The following SPATA22 variants were observed in gnomAD, a reference collection of about 807,000 sequenced individuals.
SPATA22 encodes the protein spermatogenesis-associated protein 22.
In SPATA22, 29 loss-of-function variants were observed where a neutral mutation model predicts 47.8. The observed-to-expected ratio is 0.61, with a 90% CI of 0.45 to 0.83. The LOEUF is 0.83. Among genes scored for constraint, SPATA22 ranks in the 40% least tolerant of loss-of-function variants. The probability of loss-of-function intolerance (pLI) is 0.00; values close to 1 mark genes in which losing one functional copy is unlikely to be tolerated. For missense variants in SPATA22, 410 were observed against 421.7 expected, an observed-to-expected ratio of 0.97 and a Z score of 0.24; for synonymous variants, 133 against 140.9, an observed-to-expected ratio of 0.94 and a Z score of 0.40.
chr17:3,455,472 A>AT lies in SPATA22; in HGVS notation c.330-6324dup, dbSNP rs1343457635. Among the ~76,000 whole-genome samples, 54 of 147,646 alleles carry AT rather than the reference A, an allele frequency of 3.7e-4. 1 individual carries two copies. The highest frequency in any genetic ancestry group is 5.8e-4 in the Non-Finnish European group (39 of 66,698). ...TAATCCATCTTGAATTAATTTTTGT[A>AT]TAAGGTGTAAGGAAGGGATCCAGTT... On this transcript the variant is annotated intron_variant, in intron 5 of 8. Transcript: ENST00000572969.
At chr17:3,507,740 C>T (rs997968167) in intron 1 of SPATA22, among the ~76,000 whole-genome samples, 1 of 152,156 alleles carries the variant, frequency 6.6e-6, no homozygotes, top group Non-Finnish European at 1.5e-5. Context: ...CCAACATGAC[C>T]GGAAGAGCTT....
chr17:3,454,162 C>A (rs186334021), intron 5 of SPATA22, among the ~76,000 whole-genome samples: 34 of 148,316 alleles, frequency 2.3e-4, no homozygotes, highest in Non-Finnish European at 2.8e-4. Context: ...GAATAAATGA[C>A]CAAGATAGAG....
intron 1 of SPATA22, among the ~76,000 whole-genome samples, chr17:3,470,624 A>G (rs999090489): frequency 6.6e-6 from 1 of 151,388 alleles, no homozygotes; most frequent in Non-Finnish European, 1.5e-5. Context: ...GGTGGCAGGC[A>G]CCTGTGGTCC....
At chr17:3,454,973 C>A (rs1469214648) in intron 5 of SPATA22, among the ~76,000 whole-genome samples, 1 of 151,738 alleles carries the variant, frequency 6.6e-6, no homozygotes, top group Non-Finnish European at 1.5e-5. Flanking sequence ...TGTTTCCTGA[C>A]TTTTTAATGA....
intron 8 of SPATA22, chr17:3,441,461 A>G (rs1040432700): frequency 1.4e-4 from 21 of 152,048 alleles, no homozygotes; most frequent in African/African-American, 5.1e-4. Context: ...AGATAACACT[A>G]AATTTACTCA....
intron 1 of SPATA22, chr17:3,499,043 T>G: frequency 1.2e-6 from 2 of 1,614,202 alleles, no homozygotes; most frequent in Non-Finnish European, 1.7e-6. Flanking sequence ...CAAAGACAAC[T>G]AAACTAACGC....
chr17:3,507,356 C>T (rs1406561409), intron 1 of SPATA22, among the ~76,000 whole-genome samples: 1 of 152,152 alleles, frequency 6.6e-6, no homozygotes, highest in African/African-American at 2.4e-5. Flanking sequence ...TATTCATGTC[C>T]TTCTCCCCTC....
chr17:3,460,235 A>C (rs1375303254), intron 5 of SPATA22, among the ~76,000 whole-genome samples: 1 of 152,168 alleles, frequency 6.6e-6, no homozygotes. Flanking sequence ...CATCTAGTTC[A>C]ATTTTTTTCC....
Position 3,490,500 on chromosome 17 carries a change from C to T in SPATA22, c.-73-21102G>A, listed in dbSNP as rs375440961. On this transcript the variant is annotated intron_variant, in intron 1 of 8. Transcript: ENST00000541913. The surrounding 1 kb of genome is among the most constrained non-coding windows in gnomAD (Gnocchi z 4.6). ...ATAATAACAGAGGGGGTGTGTACTT[C>T]GGTGTCTGTGGGGAGTGAATTCCTC... Among the ~76,000 whole-genome samples the T allele has an allele frequency of 1.3e-4, 20 of 152,150 alleles. No individual in the cohort carries two copies. In the South Asian group the frequency reaches 2.9e-3, roughly 22 times the overall value.
Position 3,448,791 on chromosome 17 carries a change from G to C in SPATA22, c.672+16C>G. ...AAAAATGTAAATAAGTCATTAATTT[G>C]TATTTAAACATTTACCTTCAGGGTG... On this transcript the variant is annotated intron_variant, in intron 6 of 8. Coordinates refer to ENST00000572969, the MANE Select transcript of SPATA22 (RefSeq NM_001170698.2). 1.3e-6 allele frequency: 2 copies of C among 1,533,462 alleles called. No homozygotes were observed. The highest frequency in any genetic ancestry group is 1.8e-6 in the Non-Finnish European group (2 of 1,128,358). The allele number at this position is 1,533,462 out of a possible 1,614,324, so 95.0% of individuals were successfully genotyped here.
At chr17:3,459,407 T>A (rs11870084) in intron 5 of SPATA22, among the ~76,000 whole-genome samples, 90,396 of 151,706 alleles carry the variant, frequency 0.6, 28,249 homozygotes, top group Non-Finnish European at 0.69. Flanking sequence ...TAATTTTTTT[T>A]AAAAAATACT....
intron 1 of SPATA22, among the ~76,000 whole-genome samples, chr17:3,486,403 C>A (rs910281997): frequency 6.6e-6 from 1 of 152,142 alleles, no homozygotes; most frequent in African/African-American, 2.4e-5. Flanking sequence ...GCAGAAGATC[C>A]ATGAAGAATC....
chr17:3,504,039 T>C (rs2074018848), intron 1 of SPATA22, among the ~76,000 whole-genome samples: 1 of 152,154 alleles, frequency 6.6e-6, no homozygotes, highest in Admixed American at 6.6e-5. Flanking sequence ...TCCTTCCCAC[T>C]GTTTATTCCT....
chr17:3,477,386 G>A (rs141854170), intron 1 of SPATA22, among the ~76,000 whole-genome samples: 12 of 152,192 alleles, frequency 7.9e-5, no homozygotes, highest in Non-Finnish European at 1.5e-4. Context: ...TTTTGCCTTC[G>A]TTTACATCAT....
In SPATA22 at chr17:3,481,734, G is replaced by A. The variant is rs1057521115; in HGVS notation, c.-73-12336C>T. On this transcript the variant is annotated intron_variant, in intron 1 of 8. Coordinates refer to the SPATA22 transcript ENST00000541913. ...CTTCACAACACCACCTCTAACATGGGGTGCACTCTTATTCTTGAGGATTCC... is the reference window on the plus strand; with the variant it reads ...CTTCACAACACCACCTCTAACATGGAGTGCACTCTTATTCTTGAGGATTCC... 3 of 1,613,384 alleles carry A rather than the reference G, an allele frequency of 1.9e-6. No homozygotes were observed. Among genetic ancestry groups the A allele is most frequent in the Non-Finnish European group, 2.5e-6 (3 of 1,179,760 alleles).
chr17:3,471,620 C>T (rs1303909923), intron 1 of SPATA22, 62 bp downstream of exon 1: 3 of 985,500 alleles, frequency 3.0e-6, no homozygotes, highest in Non-Finnish European at 3.6e-6. Flanking sequence ...CGAGTTGAGA[C>T]GCTCTTCCAA....
At chr17:3,466,773 AG>A (rs1407029385) in intron 3 of SPATA22, among the ~76,000 whole-genome samples, 2 of 152,180 alleles carry the variant, frequency 1.3e-5, no homozygotes, top group African/African-American at 4.8e-5. Flanking sequence ...AGGACGGAAA[AG>A]CTCCCTCATA....
intron 6 of SPATA22, among the ~76,000 whole-genome samples, chr17:3,447,419 C>T (rs774110474): frequency 6.7e-6 from 1 of 149,184 alleles, no homozygotes; most frequent in African/African-American, 2.4e-5. Context: ...CCTCTTCCCC[C>T]GCTTAACGAA....
At chr17:3,470,654 G>A (rs544026780) in intron 1 of SPATA22, among the ~76,000 whole-genome samples, 3 of 152,202 alleles carry the variant, frequency 2.0e-5, no homozygotes, top group African/African-American at 7.2e-5. Flanking sequence ...GTGAGGCTGA[G>A]GCAGGAGAAT....
Sources: gnomAD v4.1 joint callset for allele counts (sites outside exome capture counted in the v4.1 genomes callset) on GRCh38, gnomAD v4.1.1 for gene constraint, Gnocchi (gnomAD v3.1) non-coding constraint, MANE v1.5 for transcripts, NCBI Gene and HGNC (gene_info 2026-07-23, HGNC 2026-07-21) for gene names.